NGEF: variants seen among roughly 807,000 people sequenced by gnomAD.
NGEF encodes neuronal guanine nucleotide exchange factor.
In NGEF, 31 loss-of-function variants were observed where a neutral mutation model predicts 80.9. The observed-to-expected ratio is 0.38, with a 90% CI of 0.29 to 0.52. The LOEUF (loss-of-function observed/expected upper bound fraction) is 0.52, where lower values mean the gene tolerates loss of function less well. Among genes scored for constraint, NGEF ranks in the 20% least tolerant of loss-of-function variants. NGEF has a pLI of 0.84. For synonymous variants in NGEF, 371 were observed against 370.2 expected, an observed-to-expected ratio of 1.00 and a Z score of -0.03; for missense variants, 709 against 926.2, an observed-to-expected ratio of 0.77 and a Z score of 3.04.
intron 5 of NGEF, among the ~76,000 whole-genome samples, chr2:232,914,800 C>T (rs781600230): frequency 2.6e-5 from 4 of 152,062 alleles, no homozygotes; most frequent in Non-Finnish European, 4.4e-5. Flanking sequence ...GGGTGGATCA[C>T]GAGGTCAGGA....
At chr2:232,950,818 G>C (rs1394794723) in intron 3 of NGEF, among the ~76,000 whole-genome samples, 1 of 152,162 alleles carries the variant, frequency 6.6e-6, no homozygotes, top group Non-Finnish European at 1.5e-5. Context: ...CTCCAAGCCA[G>C]ACTTGCCTTG....
chr2:232,946,887 A>AT (rs1693570851), intron 3 of NGEF, among the ~76,000 whole-genome samples: 1 of 152,200 alleles, frequency 6.6e-6, no homozygotes, highest in South Asian at 2.1e-4. Context: ...TACAATGACC[A>AT]TGAGTCCATA....
chr2:232,929,788 G>C (rs60049016), intron 3 of NGEF, among the ~76,000 whole-genome samples: 5,454 of 152,196 alleles, frequency 0.036, 265 homozygotes, highest in East Asian at 0.25. Context: ...GATGTGGTTC[G>C]GCTGTGTCCC....
In NGEF at chr2:232,953,498, C is replaced by CT. The variant is rs61259136; in HGVS notation, c.383+16715dup. Among the ~76,000 whole-genome samples the CT allele has an allele frequency of 1.4e-4, 18 of 129,142 alleles. No homozygotes were observed. In the East Asian group the frequency reaches 1.5e-3, roughly 11 times the overall value. 84.7% of individuals were successfully genotyped at this position (129,142 alleles called of 152,430 possible). The stretch of plus-strand genomic sequence containing the variant: ...AGCCAGAAGATAGTTGACTTACATT[C>CT]TTTTTTTTTTTAAAAAAAAAAGAAA... On this transcript the variant is annotated intron_variant, in intron 3 of 14. Transcript: ENST00000264051.
intron 3 of NGEF, among the ~76,000 whole-genome samples, chr2:232,953,177 C>T (rs571332190): frequency 6.6e-6 from 1 of 150,974 alleles, no homozygotes; most frequent in South Asian, 2.1e-4. Context: ...TGGCGCGTGC[C>T]TGTAATCCTA....
chr2:232,914,665 T>G (rs951436157), intron 5 of NGEF, among the ~76,000 whole-genome samples: 1 of 152,184 alleles, frequency 6.6e-6, no homozygotes, highest in African/African-American at 2.4e-5. Context: ...ATTGTGCCAC[T>G]GCACTCCAGC....
chr2:233,001,505 G>T (rs895276480), intron 1 of NGEF, among the ~76,000 whole-genome samples: 15 of 152,298 alleles, frequency 9.8e-5, no homozygotes, highest in African/African-American at 3.4e-4. Flanking sequence ...TGTAGAGGGT[G>T]CTGGGGCCTT....
chr2:232,903,199 G>A (rs1287145802), intron 5 of NGEF, among the ~76,000 whole-genome samples: 6 of 152,128 alleles, frequency 3.9e-5, no homozygotes, highest in Non-Finnish European at 8.8e-5. Flanking sequence ...AATTCCCTTA[G>A]CATTCCACTG....
chr2:232,995,829 G>A (rs902463090), intron 1 of NGEF, among the ~76,000 whole-genome samples: 7 of 147,368 alleles, frequency 4.8e-5, no homozygotes, highest in Admixed American at 4.1e-4. Context: ...TGCATATTGT[G>A]TATATGTATA....
chr2:232,899,981 CTCAT>C lies in NGEF; in HGVS notation c.829-5069_829-5066del, dbSNP rs1469224209. On this transcript the variant is annotated intron_variant, in intron 5 of 14. Transcript: ENST00000264051. ...TCACAGTCACTCATATACACATTCA[CTCAT>C]TCACTCACACACGCTCTCACAGTCA... Among the ~76,000 whole-genome samples the C allele has an allele frequency of 8.2e-5, 10 of 122,240 alleles. 1 individual carries two copies. Among genetic ancestry groups the C allele is most frequent in the Admixed American group, 8.1e-5 (1 of 12,306 alleles). The allele number at this position is 122,240 out of a possible 152,430, so 80.2% of individuals were successfully genotyped here.
chr2:232,964,703 T>G (rs1207599544), intron 3 of NGEF, among the ~76,000 whole-genome samples: 2 of 151,998 alleles, frequency 1.3e-5, no homozygotes, highest in East Asian at 1.9e-4. Context: ...TAAAATAAAA[T>G]AAAAGAACAA....
At chr2:232,923,890 T>G (rs1298341955) in intron 4 of NGEF, among the ~76,000 whole-genome samples, 1 of 152,062 alleles carries the variant, frequency 6.6e-6, no homozygotes. Flanking sequence ...GAAAAGTGAC[T>G]AAGACATGAG....
chr2:232,964,113 A>C (rs1364734146), intron 3 of NGEF, among the ~76,000 whole-genome samples: 10 of 152,226 alleles, frequency 6.6e-5, no homozygotes, highest in Admixed American at 6.5e-4. Context: ...GATCTGGAGC[A>C]ACTGGAACCT....
chr2:232,953,483 T>C (rs1288946105), intron 3 of NGEF, among the ~76,000 whole-genome samples: 3 of 146,150 alleles, frequency 2.1e-5, no homozygotes, highest in African/African-American at 5.2e-5. Flanking sequence ...AGCCAGAAGA[T>C]AGTTGACTTA....
At chr2:232,885,648 C>T (rs1303743758) in intron 9 of NGEF, 1 of 444,000 alleles carries the variant, frequency 2.3e-6, no homozygotes, top group Non-Finnish European at 4.2e-6. Context: ...TGAGGCATCC[C>T]TCCTCCTCTG....
chr2:232,945,206 T>A (rs1693533620), intron 3 of NGEF, among the ~76,000 whole-genome samples: 2 of 151,264 alleles, frequency 1.3e-5, no homozygotes, highest in African/African-American at 2.4e-5. Flanking sequence ...GGAAAAAAAA[T>A]TTAGTTCAAG....
intron 3 of NGEF, among the ~76,000 whole-genome samples, chr2:232,966,647 G>C (rs927443575): frequency 6.6e-6 from 1 of 151,988 alleles, no homozygotes; most frequent in Non-Finnish European, 1.5e-5. Context: ...AGCCAGCCCC[G>C]TCACTCCCCC....
intron 4 of NGEF, among the ~76,000 whole-genome samples, chr2:232,923,958 C>T (rs924499527): frequency 4.6e-5 from 7 of 152,066 alleles, no homozygotes; most frequent in African/African-American, 9.7e-5. Context: ...TGGAAAGGGC[C>T]GGGCACAGTG....
At chr2:232,983,312 C>T (rs866974267) in intron 1 of NGEF, among the ~76,000 whole-genome samples, 30 of 152,002 alleles carry the variant, frequency 2.0e-4, no homozygotes, top group African/African-American at 6.8e-4. Flanking sequence ...TTGGGGGCGT[C>T]GGCTTCGGGA....
Sources: allele counts gnomAD v4.1 joint callset (sites outside exome capture counted in the v4.1 genomes callset), GRCh38; gene constraint gnomAD v4.1.1; transcripts MANE v1.5; gene names NCBI Gene and HGNC (gene_info 2026-07-23, HGNC 2026-07-21).